NCOA2: variants seen among roughly 807,000 people sequenced by gnomAD.
The protein encoded by NCOA2 is nuclear receptor coactivator 2, also known as class E basic helix-loop-helix protein 75.
NCOA2 carries 21 observed loss-of-function variants against 145.1 expected under a neutral mutation model. The observed-to-expected ratio is 0.14, with a 90% CI of 0.10 to 0.21. The LOEUF (loss-of-function observed/expected upper bound fraction) is 0.21, where lower values mean the gene tolerates loss of function less well. Among genes scored for constraint, NCOA2 ranks in the 10% least tolerant of loss-of-function variants. The probability of loss-of-function intolerance (pLI) is 1.00; values close to 1 mark genes in which losing one functional copy is unlikely to be tolerated. For missense variants in NCOA2, 1,472 were observed against 1,837.6 expected (o/e 0.80, Z 3.64); for synonymous variants, 619 against 637.5 (o/e 0.97, Z 0.44).
intron 2 of NCOA2, among the ~76,000 whole-genome samples, chr8:70,227,095 T>G (rs72663955): frequency 0.095 from 14,396 of 152,286 alleles, 947 homozygotes; most frequent in Middle Eastern, 0.19. Flanking sequence ...ACGGTTTTGT[T>G]GGCACCCACT....
intron 10 of NCOA2, among the ~76,000 whole-genome samples, chr8:70,157,574 T>C (rs1415262050): frequency 2.6e-5 from 4 of 152,234 alleles, no homozygotes; most frequent in East Asian, 1.9e-4. Context: ...TCATGAGTAG[T>C]TGAGAGCTTG....
chr8:70,441,805 AAAGAAAGAAAG>A, the NCOA2 span, among the ~76,000 whole-genome samples: 10 of 55,268 alleles, frequency 1.8e-4, no homozygotes, highest in African/African-American at 4.7e-4. Flanking sequence ...AGAAAGAAAG[AAAGAAAGAAAG>A]AAGAAAGAAG....
chr8:70,404,643 GCAAATGCTGCACA>G (rs1339794170), upstream of NCOA2, among the ~76,000 whole-genome samples: 2 of 152,240 alleles, frequency 1.3e-5, no homozygotes, highest in Non-Finnish European at 2.9e-5. Context: ...GCGGGATAAA[GCAAATGCTGCACA>G]CAGAGTGTGA....
chr8:70,264,428 G>A (rs1175524393), intron 2 of NCOA2, among the ~76,000 whole-genome samples: 2 of 152,140 alleles, frequency 1.3e-5, no homozygotes, highest in African/African-American at 4.8e-5. Flanking sequence ...CCAGGAGTTA[G>A]AGGCTGCAGA....
At position 70,148,343 on chromosome 8, in the gene NCOA2, T is replaced by C. The variant is rs1811339257; in HGVS notation, c.2535A>G (p.Gln845=). The part of the protein sequence containing the change: ...DKQAIINDLM[Q]LTAENSPVTP... ...TGACAGGGCTGTTTTCAGCTGTGAG[T>C]TGCATGAGGTCATTGATGATGGCTT... Residue 845 remains glutamine, a synonymous_variant, in exon 12 of 23, where the codon CAA becomes CAG. Transcript: ENST00000452400. 1.9e-6 allele frequency: 3 copies of C among 1,614,018 alleles called. No individual in the cohort carries two copies. Among genetic ancestry groups the C allele is most frequent in the African/African-American group, 1.3e-5 (1 of 75,042 alleles).
At chr8:70,209,386 C>G (rs562018692) in intron 4 of NCOA2, among the ~76,000 whole-genome samples, 75 of 152,308 alleles carry the variant, frequency 4.9e-4, no homozygotes, top group Admixed American at 9.8e-4. Context: ...TTAGAATATT[C>G]CATAAACTTA....
At chr8:70,370,412 T>G (rs1418267925) in intron 1 of NCOA2, among the ~76,000 whole-genome samples, 3 of 152,222 alleles carry the variant, frequency 2.0e-5, no homozygotes, top group Non-Finnish European at 2.9e-5. Context: ...AAAAACTTAC[T>G]TTTTCTTGAC....
chr8:70,407,106 G>C (rs1331214046), upstream of NCOA2, among the ~76,000 whole-genome samples: 1 of 152,122 alleles, frequency 6.6e-6, no homozygotes, highest in Admixed American at 6.5e-5. Context: ...TCTCTGTTTT[G>C]GTGCATTCCT....
At chr8:70,324,362 G>A (rs1360118239) in intron 1 of NCOA2, among the ~76,000 whole-genome samples, 1 of 152,044 alleles carries the variant, frequency 6.6e-6, no homozygotes, top group Non-Finnish European at 1.5e-5. Context: ...TTTGAGACAA[G>A]GTCTCGCTCT....
chr8:70,246,947 A>G (rs969117449), intron 2 of NCOA2, among the ~76,000 whole-genome samples: 2 of 152,224 alleles, frequency 1.3e-5, no homozygotes, highest in African/African-American at 2.4e-5. Flanking sequence ...ATTCTTTAAT[A>G]CAGAAAAACC....
chr8:70,146,414 C>T (rs1268498656), intron 12 of NCOA2, among the ~76,000 whole-genome samples: 1 of 152,178 alleles, frequency 6.6e-6, no homozygotes, highest in Non-Finnish European at 1.5e-5. Flanking sequence ...TATTACATAA[C>T]ATCAAGTACT....
intron 1 of NCOA2, among the ~76,000 whole-genome samples, chr8:70,394,786 T>C (rs1264303623): frequency 1.3e-5 from 2 of 152,086 alleles, no homozygotes; most frequent in Non-Finnish European, 2.9e-5. Context: ...AAAAATAAAA[T>C]ACAGATATAA....
chr8:70,109,880 A>G lies in NCOA2; in HGVS notation c.*3752T>C, dbSNP rs60063828. ...TAACATCAAATAAGCAAATAGCATC[A>G]GCAAAGCAATATTAACTTGCATAAA... is the stretch of plus-strand genomic sequence containing the variant. On this transcript the variant is annotated 3_prime_UTR_variant, in exon 23 of 23. Transcript: ENST00000452400. 8,992 of 182,998 alleles carry G rather than the reference A, an allele frequency of 0.049. 866 individuals are homozygous for G. The highest frequency in any genetic ancestry group is 0.2 in the African/African-American group (8,492 of 42,616). 11.3% of individuals were successfully genotyped at this position (182,998 alleles called of 1,614,324 possible). A position where few individuals can be genotyped will look rare whatever the true frequency, so the allele number is the denominator to read the frequency against.
intron 1 of NCOA2, among the ~76,000 whole-genome samples, chr8:70,301,287 G>A (rs1827467438): frequency 6.6e-6 from 1 of 152,076 alleles, no homozygotes; most frequent in South Asian, 2.1e-4. Context: ...CAGCCCAAAT[G>A]TAGGCCTCAC....
At chr8:70,183,133 G>C (rs948663771) in intron 4 of NCOA2, among the ~76,000 whole-genome samples, 7 of 152,114 alleles carry the variant, frequency 4.6e-5, no homozygotes, top group Non-Finnish European at 1.5e-5. Flanking sequence ...TAAAGTTTTG[G>C]AAGTTACCTG....
chr8:70,269,680 C>T (rs1824890240), intron 2 of NCOA2, among the ~76,000 whole-genome samples: 1 of 152,140 alleles, frequency 6.6e-6, no homozygotes, highest in African/African-American at 2.4e-5. Context: ...AGGAGCACTT[C>T]CAATTTTTCA....
At chr8:70,402,500 C>A (rs1351425352) in intron 1 of NCOA2, 1 of 152,200 alleles carries the variant, frequency 6.6e-6, no homozygotes, top group East Asian at 1.9e-4. Flanking sequence ...GACCGACCCA[C>A]CCCCGGTCTC....
intron 4 of NCOA2, among the ~76,000 whole-genome samples, chr8:70,181,484 G>T (rs916252584): frequency 1.3e-5 from 2 of 152,178 alleles, no homozygotes; most frequent in African/African-American, 4.8e-5. Context: ...CACATATATA[G>T]AGACATTTTA....
At chr8:70,437,713 C>CT in the NCOA2 span, among the ~76,000 whole-genome samples, 9 of 151,860 alleles carry the variant, frequency 5.9e-5, no homozygotes, top group African/African-American at 1.2e-4. Flanking sequence ...GTCACAGTCT[C>CT]TTTTTTTTGC....
Sources: gnomAD v4.1 joint callset for allele counts (sites outside exome capture counted in the v4.1 genomes callset) on GRCh38, gnomAD v4.1.1 for gene constraint, MANE v1.5 for transcripts, NCBI Gene and HGNC (gene_info 2026-07-23, HGNC 2026-07-21) for gene names.